Variants in SNTB2 observed in about 807,000 individuals in gnomAD.
SNTB2 encodes syntrophin beta 2.
A neutral mutation model predicts 46.2 loss-of-function variants in SNTB2; 34 were observed. The observed-to-expected ratio is 0.74, with a 90% CI of 0.56 to 0.98. The LOEUF (loss-of-function observed/expected upper bound fraction) is 0.98. SNTB2 is among the 50% of genes least tolerant of loss of function. The pLI, the probability that SNTB2 is intolerant of heterozygous loss-of-function variation, is 0.00. For synonymous variants in SNTB2, 290 were observed against 312.6 expected (o/e 0.93, Z 0.76); for missense variants, 603 against 731.4 (o/e 0.82, Z 2.02).
intron 1 of SNTB2, among the ~76,000 whole-genome samples, chr16:69,229,310 C>T (rs1052188445): frequency 6.6e-6 from 1 of 151,968 alleles, no homozygotes; most frequent in Non-Finnish European, 1.5e-5. Context: ...GCTGGAACTA[C>T]AGGCACGTGC....
At chr16:69,295,411 G>A (rs1965214360) in intron 5 of SNTB2, among the ~76,000 whole-genome samples, 1 of 151,196 alleles carries the variant, frequency 6.6e-6, no homozygotes, top group African/African-American at 2.4e-5. Context: ...CACCACTCCC[G>A]GCTAATTTTT....
chr16:69,237,599 C>CTT (rs1197300500), intron 1 of SNTB2, among the ~76,000 whole-genome samples: 11 of 110,308 alleles, frequency 1.0e-4, no homozygotes, highest in African/African-American at 3.2e-4. Context: ...TTCTTTCTTT[C>CTT]TTTCTTTTTT....
Position 69,296,280 on chromosome 16 carries a change from CA to C in SNTB2, c.1346-3300del, listed in dbSNP as rs1039592655. Among the ~76,000 whole-genome samples, 728 of 150,052 alleles carry C rather than the reference CA, an allele frequency of 4.9e-3. 3 individuals are homozygous for C. Among genetic ancestry groups the C allele is most frequent in the African/African-American group, 0.017 (710 of 40,916 alleles). On this transcript the variant is annotated intron_variant, in intron 5 of 6. Coordinates refer to ENST00000336278, the MANE Select transcript of SNTB2 (RefSeq NM_006750.4). ...GGGTGACAAGAGTGAAACTCCGTCT[CA>C]AAAAAAAAATTTTTTTTAAACTAAA...
chr16:69,212,862 A>G (rs1238182446), intron 1 of SNTB2, among the ~76,000 whole-genome samples: 2 of 128,820 alleles, frequency 1.6e-5, no homozygotes, highest in African/African-American at 6.0e-5. Context: ...TGAACTCCCA[A>G]CCTCAGGTGA....
At chr16:69,300,380 A>G (rs1312861347) in intron 6 of SNTB2, among the ~76,000 whole-genome samples, 1 of 150,846 alleles carries the variant, frequency 6.6e-6, no homozygotes, top group East Asian at 2.0e-4. Flanking sequence ...CCTCCCGAGT[A>G]GCTGAGATTA....
At chr16:69,298,985 G>A (rs1306602517) in intron 5 of SNTB2, among the ~76,000 whole-genome samples, 1 of 152,134 alleles carries the variant, frequency 6.6e-6, no homozygotes, top group Non-Finnish European at 1.5e-5. Context: ...AAGTCCTTGA[G>A]AGCAGGGACT....
intron 2 of SNTB2, among the ~76,000 whole-genome samples, chr16:69,252,870 T>C (rs569272800): frequency 4.4e-4 from 67 of 152,084 alleles, no homozygotes; most frequent in Non-Finnish European, 7.1e-4. Flanking sequence ...AAAATAGCAG[T>C]AGGCTTTACA....
intron 2 of SNTB2, among the ~76,000 whole-genome samples, chr16:69,248,800 AAAAAAGAGAGAG>A (rs1964696127): frequency 6.6e-6 from 1 of 151,902 alleles, no homozygotes; most frequent in East Asian, 1.9e-4. Flanking sequence ...TCTCTACAAA[AAAAAAGAGAGAG>A]ACAGAGAGAA....
intron 1 of SNTB2, among the ~76,000 whole-genome samples, chr16:69,220,389 C>G (rs1347849351): frequency 6.6e-6 from 1 of 151,208 alleles, no homozygotes; most frequent in Non-Finnish European, 1.5e-5. Context: ...TCTCGATCTC[C>G]TGACCTCTGA....
intron 1 of SNTB2, among the ~76,000 whole-genome samples, chr16:69,241,108 CCTTGGCCTCCCAAAGTG>C (rs1275738007): frequency 8.9e-6 from 1 of 111,974 alleles, no homozygotes; most frequent in Non-Finnish European, 2.1e-5. Context: ...GATCCACTCG[CCTTGGCCTCCCAAAGTG>C]CTGGGATTAC....
chr16:69,272,303 G>C (rs894047932), intron 4 of SNTB2, among the ~76,000 whole-genome samples: 3 of 152,118 alleles, frequency 2.0e-5, no homozygotes, highest in Non-Finnish European at 4.4e-5. Flanking sequence ...CACTTTGGGA[G>C]ACCGAGGCAG....
intron 1 of SNTB2, among the ~76,000 whole-genome samples, chr16:69,204,638 T>C (rs1044150251): frequency 2.0e-5 from 3 of 152,232 alleles, no homozygotes; most frequent in Non-Finnish European, 4.4e-5. Flanking sequence ...CTGTGGAGTT[T>C]AAGCTCTGGG....
chr16:69,284,252 T>G lies in SNTB2; in HGVS notation c.1345+8T>G, dbSNP rs1255230031. ...TCAAGGAAGTCTCTCTAGGTAGAGA[T>G]GCTGACTTTTTATTTCTAGTAGTAA... is the stretch of plus-strand genomic sequence containing the variant. On this transcript the variant is annotated splice_region_variant and intron_variant, in intron 5 of 6. Transcript: ENST00000336278. 12 of 1,588,006 alleles carry G rather than the reference T, an allele frequency of 7.6e-6. No individual in the cohort carries two copies. The highest frequency in any genetic ancestry group is 1.4e-5 in the African/African-American group (1 of 73,766).
intron 3 of SNTB2, among the ~76,000 whole-genome samples, chr16:69,260,572 C>T (rs80012729): frequency 4.6e-5 from 7 of 152,290 alleles, no homozygotes; most frequent in Non-Finnish European, 8.8e-5. Flanking sequence ...TCAGGGTCAG[C>T]TAACTTTTTC....
At position 69,278,746 on chromosome 16, in the gene SNTB2, A is replaced by T. The variant is rs1036657316; in HGVS notation, c.1149-5302A>T. ...GCTGGGATTACAGGCATGAGCCACC[A>T]CACCCAGCCAATATTGCAGTCTTAT... On this transcript the variant is annotated intron_variant, in intron 4 of 6. Transcript: ENST00000336278. Among the ~76,000 whole-genome samples the T allele has an allele frequency of 5.9e-4, 89 of 152,128 alleles. 1 individual carries two copies. Among genetic ancestry groups the T allele is most frequent in the African/African-American group, 2.0e-3 (84 of 41,430 alleles).
intron 3 of SNTB2, among the ~76,000 whole-genome samples, chr16:69,264,954 A>C (rs1277986706): frequency 2.0e-5 from 3 of 152,210 alleles, no homozygotes; most frequent in Admixed American, 6.5e-5. Context: ...ATTACGATTA[A>C]AATTACATCT....
chr16:69,291,323 G>A (rs749659977), intron 5 of SNTB2, among the ~76,000 whole-genome samples: 24 of 152,122 alleles, frequency 1.6e-4, no homozygotes, highest in Non-Finnish European at 2.8e-4. Context: ...GGGCCCCCCA[G>A]AGCCCCAGAA....
Position 69,187,450 on chromosome 16 carries a change from G to A in SNTB2, c.284G>A (p.Ser95Asn). 1 of 1,165,828 alleles carries A rather than the reference G, an allele frequency of 8.6e-7. No individual in the cohort carries two copies. Among genetic ancestry groups the A allele is most frequent in the Non-Finnish European group, 1.1e-6 (1 of 945,106 alleles). 72.2% of individuals were successfully genotyped at this position (1,165,828 alleles called of 1,614,324 possible). Residue 95 changes from serine to asparagine, a missense_variant, in exon 1 of 7, where the codon AGC becomes AAC. Around this residue, in one of 2 missense-constraint regions of SNTB2, gnomAD observed 537 missense variants for 692.4 expected, o/e 0.78. Coordinates refer to ENST00000336278, the MANE Select transcript of SNTB2 (RefSeq NM_006750.4). Reference protein sequence around the residue: ...GSPSRGLGPPSPPAPPRGPAG... With the variant: ...GSPSRGLGPPNPPAPPRGPAG... ...CCAAGCCGCGGCCTGGGGCCCCCGA[G>A]CCCGCCGGCGCCGCCTCGGGGCCCC...
At chr16:69,281,197 C>A (rs1470590834) in intron 4 of SNTB2, among the ~76,000 whole-genome samples, 1 of 151,714 alleles carries the variant, frequency 6.6e-6, no homozygotes, top group Non-Finnish European at 1.5e-5. Context: ...GATGTTATAT[C>A]CTTTTAAATC....
Sources: allele counts gnomAD v4.1 joint callset (sites outside exome capture counted in the v4.1 genomes callset), GRCh38; gene constraint gnomAD v4.1.1; regional missense constraint gnomAD v4.1.1; transcripts MANE v1.5; gene names NCBI Gene and HGNC (gene_info 2026-07-23, HGNC 2026-07-21).